CRYBG3: variants seen among roughly 807,000 people sequenced by gnomAD.
The protein encoded by CRYBG3 is very large A-kinase anchor protein.
In CRYBG3, 127 loss-of-function variants were observed where a neutral mutation model predicts 244.2. The observed-to-expected ratio is 0.52, with a 90% CI of 0.45 to 0.60. CRYBG3 has a LOEUF of 0.60. Ranked by LOEUF, CRYBG3 falls within the 20% of genes least tolerant of loss-of-function variation. CRYBG3 has a pLI of 0.00. For missense variants in CRYBG3, 3,325 were observed against 3,442.5 expected (o/e 0.97, Z 0.85); for synonymous variants, 1,132 against 1,195.8 (o/e 0.95, Z 1.10).
chr3:97,886,468 T>A (rs545147877), intron 7 of CRYBG3, among the ~76,000 whole-genome samples, 163 bp from the exon 8 acceptor site: 120 of 150,150 alleles, frequency 8.0e-4, no homozygotes, highest in Non-Finnish European at 1.2e-3. Context: ...AAAAACTTTT[T>A]AAAAAAAAAA....
At chr3:97,888,522 G>GAGCAAACATC in intron 9 of CRYBG3, 67 bp downstream of exon 9, 1 of 1,055,480 alleles carries the variant, frequency 9.5e-7, no homozygotes, top group Non-Finnish European at 1.5e-6. Context: ...AAATAACCAT[G>GAGCAAACATC]ATGTTTGCTC....
intron 7 of CRYBG3, among the ~76,000 whole-genome samples, chr3:97,885,574 A>G (rs831901): frequency 0.72 from 110,196 of 152,034 alleles, 41,533 homozygotes; most frequent in East Asian, 0.85. Flanking sequence ...AAGAAGGGAT[A>G]AGGTCTTTTT....
chr3:97,826,364 A>G (rs1190182716), intron 1 of CRYBG3, among the ~76,000 whole-genome samples: 1 of 152,236 alleles, frequency 6.6e-6, no homozygotes, highest in African/African-American at 2.4e-5. Context: ...GTAAGTTTAT[A>G]TAATCAGAAC....
intron 17 of CRYBG3, among the ~76,000 whole-genome samples, chr3:97,932,207 A>G (rs370578223): frequency 6.6e-6 from 1 of 151,992 alleles, no homozygotes; most frequent in South Asian, 2.1e-4. Context: ...ATACATATGT[A>G]TGTGCACAGA....
intron 14 of CRYBG3, among the ~76,000 whole-genome samples, chr3:97,899,905 T>C (rs1285210989): frequency 6.6e-6 from 1 of 152,230 alleles, no homozygotes; most frequent in African/African-American, 2.4e-5. Flanking sequence ...TCCTTCTTTG[T>C]AATGGGCACT....
chr3:97,841,179 A>T (rs1311647539), intron 1 of CRYBG3, among the ~76,000 whole-genome samples: 1 of 148,678 alleles, frequency 6.7e-6, no homozygotes, highest in Non-Finnish European at 1.5e-5. Context: ...TTTAACACAC[A>T]GCTCATATAT....
At chr3:97,836,616 G>A (rs566992832) in intron 1 of CRYBG3, among the ~76,000 whole-genome samples, 1 of 152,228 alleles carries the variant, frequency 6.6e-6, no homozygotes, top group African/African-American at 2.4e-5. Context: ...ACGTGAGGCT[G>A]TGTTTCTAAG....
Position 97,872,375 on chromosome 3 carries a change from G to GC in CRYBG3, c.1182dup (p.Ser395GlnfsTer23). ...GGAAGTAACCATCGCAAAGTCCCTT[G>GC]CAGCCCAGATTTTCAGAGAGTAACT... On this transcript the variant is annotated frameshift_variant, in exon 4 of 22. Transcript: ENST00000389622. LOFTEE classifies it high-confidence loss of function. 1.3e-6 allele frequency: 2 copies of GC among 1,535,916 alleles called. No homozygotes were observed. Among genetic ancestry groups the GC allele is most frequent in the Non-Finnish European group, 1.7e-6 (2 of 1,146,804 alleles).
At chr3:97,905,138 T>C (rs1167060385) in intron 15 of CRYBG3, among the ~76,000 whole-genome samples, 3 of 152,178 alleles carry the variant, frequency 2.0e-5, no homozygotes, top group Admixed American at 1.3e-4. Context: ...TAATCCAGTC[T>C]ATCATTGTTG....
At chr3:97,862,169 C>T (rs1298329856) in intron 2 of CRYBG3, among the ~76,000 whole-genome samples, 1 of 151,864 alleles carries the variant, frequency 6.6e-6, no homozygotes, top group African/African-American at 2.4e-5. Flanking sequence ...AATGTATCTT[C>T]CTCATTTGGA....
chr3:97,932,715 T>C (rs1204689539), intron 17 of CRYBG3, among the ~76,000 whole-genome samples: 1 of 152,084 alleles, frequency 6.6e-6, no homozygotes, highest in African/African-American at 2.4e-5. Flanking sequence ...AGCAGTGCAA[T>C]GCACCATAAC....
At position 97,944,223 on chromosome 3, in the gene CRYBG3, T is replaced by C. The variant is rs2040298894; in HGVS notation, c.*909T>C. 6.6e-6 allele frequency: 1 copy of C among 151,806 alleles called. No homozygotes were observed. Among genetic ancestry groups the C allele is most frequent in the African/African-American group, 2.4e-5 (1 of 41,380 alleles). The allele number at this position is 151,806 out of a possible 1,614,324, so 9.4% of individuals were successfully genotyped here. On this transcript the variant is annotated 3_prime_UTR_variant, in exon 22 of 22. Transcript: ENST00000389622. ...GTAAACGTGGAGTTGATTTCTCTAC[T>C]AAATAACAGAAACCTCAGTTTTTCA... is the stretch of plus-strand genomic sequence containing the variant.
At chr3:97,943,192 C>G in intron 21 of CRYBG3, 34 bp from the exon 22 acceptor site, 1 of 1,283,150 alleles carries the variant, frequency 7.8e-7, no homozygotes, top group South Asian at 1.2e-5. Context: ...CCTGCCTGAA[C>G]AAATAATCTT....
rs533468557 is a variant in CRYBG3, at chr3:97,926,133, C to G, written c.8242-7561C>G. Among the ~76,000 whole-genome samples the G allele has an allele frequency of 5.3e-5, 8 of 152,102 alleles. No individual in the cohort carries two copies. In the South Asian group the frequency reaches 1.7e-3, roughly 32 times the overall value. ...ACACATGGAGAAACAAAACTTCAGGCCCATATGCCTGATGAACAAAGATGC... is the reference window on the plus strand; with the variant it reads ...ACACATGGAGAAACAAAACTTCAGGGCCATATGCCTGATGAACAAAGATGC... On this transcript the variant is annotated intron_variant, in intron 17 of 21. Coordinates refer to ENST00000389622, the MANE Select transcript of CRYBG3 (RefSeq NM_153605.4).
rs368690377 is a variant in CRYBG3, at chr3:97,860,253, A to G, written c.217-3964A>G. Among the ~76,000 whole-genome samples, 10 of 152,278 alleles carry G rather than the reference A, an allele frequency of 6.6e-5. 1 individual carries two copies. Among genetic ancestry groups the G allele is most frequent in the African/African-American group, 2.2e-4 (9 of 41,558 alleles). ...ATTTGAGCACCTCTTATTATCAGGC[A>G]TGTTTCAAGGTGGTAGAGATACTGC... is the stretch of plus-strand genomic sequence containing the variant. On this transcript the variant is annotated intron_variant, in intron 2 of 21. Coordinates refer to ENST00000389622, the MANE Select transcript of CRYBG3 (RefSeq NM_153605.4).
Position 97,872,323 on chromosome 3 carries a change from A to C in CRYBG3, c.1129A>C (p.Asn377His), listed in dbSNP as rs913212540. 1 of 1,535,890 alleles carries C rather than the reference A, an allele frequency of 6.5e-7. No individual in the cohort carries two copies. The highest frequency in any genetic ancestry group is 1.4e-5 in the African/African-American group (1 of 73,028). ...TGAACCGGTTTCTCAGACTAACAGA[A>C]ATTTGGTATGTTCAGCATTGTTAAC... ...SCEPVSQTNR[N>H]LVCSALLTGS... Residue 377 changes from asparagine (N) to histidine (H), a missense_variant, in exon 4 of 22, where the codon AAT becomes CAT. Around this residue, in one of 4 missense-constraint regions of CRYBG3, gnomAD observed 1,526 missense variants for 1,443.2 expected, o/e 1.06. Coordinates refer to ENST00000389622, the MANE Select transcript of CRYBG3 (RefSeq NM_153605.4).
intron 19 of CRYBG3, among the ~76,000 whole-genome samples, chr3:97,940,202 T>C (rs1406129554): frequency 6.6e-6 from 1 of 152,006 alleles, no homozygotes; most frequent in Non-Finnish European, 1.5e-5. Context: ...TCTGTTGTGC[T>C]TCCATTATGT....
chr3:97,872,699 C>G lies in CRYBG3; in HGVS notation c.1505C>G (p.Thr502Arg). 7 of 1,535,904 alleles carry G rather than the reference C, an allele frequency of 4.6e-6. No individual in the cohort carries two copies. The highest frequency in any genetic ancestry group is 6.1e-6 in the Non-Finnish European group (7 of 1,146,778). ...ATTGCTCTTCAGAGACATGCTGTGA[C>G]AGACACAGAATTTGTAAATGAAGGA... is the stretch of plus-strand genomic sequence containing the variant. ...NIIALQRHAV[T>R]DTEFVNEGKR... is the part of the protein sequence containing the mutation. Residue 502 changes from threonine to arginine, a missense_variant, in exon 4 of 22, where the codon ACA becomes AGA. Thr to Arg is a moderately conservative substitution (Grantham distance 71, BLOSUM62 -1). This residue lies in a region of CRYBG3 where 1,526 missense variants were observed against 1,443.2 expected (regional missense o/e 1.06). Coordinates refer to ENST00000389622, the MANE Select transcript of CRYBG3 (RefSeq NM_153605.4).
Position 97,847,508 on chromosome 3 carries a change from G to A in CRYBG3, c.216+4247G>A, listed in dbSNP as rs111498779. ...TTATGTACCATGATTCTTCCTATTC[G>A]TGTACTGAATTTTTAAGCTATATTC... On this transcript the variant is annotated intron_variant, in intron 2 of 21. Transcript: ENST00000389622. Among the ~76,000 whole-genome samples, 7 of 152,264 alleles carry A rather than the reference G, an allele frequency of 4.6e-5. No homozygotes were observed. In the East Asian group the frequency reaches 1.2e-3, roughly 25 times the overall value.
Sources: allele counts gnomAD v4.1 joint callset (sites outside exome capture counted in the v4.1 genomes callset), GRCh38; gene constraint gnomAD v4.1.1; regional missense constraint gnomAD v4.1.1; transcripts MANE v1.5; gene names NCBI Gene and HGNC (gene_info 2026-07-23, HGNC 2026-07-21).